The following CEP192 variants were observed in gnomAD, a reference collection of about 807,000 sequenced individuals.
CEP192 encodes centrosomal protein of 192 kDa.
CEP192 carries 151 observed loss-of-function variants against 271.8 expected under a neutral mutation model. That is an observed-to-expected ratio of 0.56 (90% CI 0.49 to 0.64). The LOEUF (loss-of-function observed/expected upper bound fraction) is 0.64. CEP192 is among the 30% of genes least tolerant of loss of function. The pLI, the probability that CEP192 is intolerant of heterozygous loss-of-function variation, is 0.00. For missense variants in CEP192, 2,910 were observed against 3,020.5 expected, an observed-to-expected ratio of 0.96 and a Z score of 0.86; for synonymous variants, 995 against 1,076.5, an observed-to-expected ratio of 0.92 and a Z score of 1.48.
intron 8 of CEP192, 68 bp downstream of exon 8, chr18:13,018,683 A>C (rs1278964682): frequency 9.0e-7 from 1 of 1,105,322 alleles, no homozygotes; most frequent in Non-Finnish European, 1.3e-6. Flanking sequence ...TTAAAAAAAA[A>C]ATATTTCTCT....
chr18:13,108,054 A>C (rs1305104702), intron 40 of CEP192, among the ~76,000 whole-genome samples: 1 of 152,110 alleles, frequency 6.6e-6, no homozygotes, highest in Non-Finnish European at 1.5e-5. Flanking sequence ...TGGGGAAAGG[A>C]CTCCTTATTC....
In CEP192 at chr18:13,059,289, A is replaced by G. The variant is rs2144207636; in HGVS notation, c.4465A>G (p.Ile1489Val). ...ALASTVTLTA[I>V]AESPVIEVET... ...GGCCAGCACCGTCACTCTCACTGCCATTGCCGAGAGTCCTGTTATTGAGGT... is the reference window on the plus strand; with the variant it reads ...GGCCAGCACCGTCACTCTCACTGCCGTTGCCGAGAGTCCTGTTATTGAGGT... Residue 1489 changes from isoleucine (I) to valine (V), a missense_variant, in exon 21 of 45, where the codon ATT becomes GTT. Physicochemically the swap from Ile to Val is conservative, Grantham distance 29. Coordinates refer to ENST00000506447, the MANE Select transcript of CEP192 (RefSeq NM_032142.4). 2 of 1,613,760 alleles carry G rather than the reference A, an allele frequency of 1.2e-6. No homozygotes were observed. The highest frequency in any genetic ancestry group is 4.5e-5 in the East Asian group (2 of 44,888).
At chr18:13,124,033 G>A (rs191572095) in intron 44 of CEP192, among the ~76,000 whole-genome samples, 28 of 152,084 alleles carry the variant, frequency 1.8e-4, no homozygotes, top group Admixed American at 9.2e-4. Context: ...GGTGATGGGC[G>A]CCTGTAATCC....
At chr18:13,046,549 G>A (rs2036492192) in intron 15 of CEP192, among the ~76,000 whole-genome samples, 1 of 151,734 alleles carries the variant, frequency 6.6e-6, no homozygotes, top group South Asian at 2.1e-4. Context: ...TGTTGATTTG[G>A]TAATTATATA....
At chr18:13,096,338 T>C in intron 36 of CEP192, 31 bp downstream of exon 36, 1 of 1,597,448 alleles carries the variant, frequency 6.3e-7, no homozygotes, top group South Asian at 1.1e-5. Context: ...GCTCTGCGTG[T>C]TACTTAGGTG....
intron 25 of CEP192, 32 bp downstream of exon 25, chr18:13,069,023 C>T (rs1179568173): frequency 6.2e-7 from 1 of 1,613,954 alleles, no homozygotes; most frequent in African/African-American, 1.3e-5. Flanking sequence ...GCCGTTACTG[C>T]TTTCATTCAT....
chr18:13,096,377 T>G (rs2039400633), intron 36 of CEP192, 70 bp downstream of exon 36: 5 of 1,568,870 alleles, frequency 3.2e-6, no homozygotes, highest in Non-Finnish European at 4.3e-6. Flanking sequence ...AAAGATCAAA[T>G]AATATGTCAT....
chr18:13,048,455 G>A (rs1207868460), intron 15 of CEP192, among the ~76,000 whole-genome samples: 1 of 152,178 alleles, frequency 6.6e-6, no homozygotes, highest in Non-Finnish European at 1.5e-5. Flanking sequence ...CACCAGAGAG[G>A]AGCTATCAAG....
At chr18:13,113,255 T>C (rs1434695414) in intron 40 of CEP192, among the ~76,000 whole-genome samples, 4 of 152,198 alleles carry the variant, frequency 2.6e-5, no homozygotes, top group Admixed American at 2.6e-4. Context: ...GGGAAGACAA[T>C]TGCGGGTCTG....
Position 13,095,464 on chromosome 18 carries a change from C to A in CEP192, c.6255-39C>A, listed in dbSNP as rs765091238. ...TCATTTTTAACTTCTCAGTCTCTTT[C>A]TTCATGTCTAACTTTTTCATTTTTA... On this transcript the variant is annotated intron_variant, in intron 34 of 44. Coordinates refer to ENST00000506447, the MANE Select transcript of CEP192 (RefSeq NM_032142.4). The A allele has an allele frequency of 2.6e-6, 4 of 1,517,674 alleles. No individual in the cohort carries two copies. In the South Asian group the frequency reaches 3.7e-5, roughly 14 times the overall value. 94.0% of individuals were successfully genotyped at this position (1,517,674 alleles called of 1,614,324 possible).
At chr18:13,123,377 T>C (rs936779507) in intron 44 of CEP192, among the ~76,000 whole-genome samples, 2 of 152,180 alleles carry the variant, frequency 1.3e-5, no homozygotes, top group Admixed American at 1.3e-4. Flanking sequence ...TATATAGATA[T>C]ATTTAAGAAC....
chr18:13,121,292 C>CA (rs549740700), intron 44 of CEP192, among the ~76,000 whole-genome samples: 1 of 152,134 alleles, frequency 6.6e-6, no homozygotes, highest in Non-Finnish European at 1.5e-5. Context: ...ATTTCCAAAG[C>CA]AATAATAGGA....
At chr18:13,112,391 A>G (rs1439041571) in intron 40 of CEP192, among the ~76,000 whole-genome samples, 1 of 152,234 alleles carries the variant, frequency 6.6e-6, no homozygotes, top group Non-Finnish European at 1.5e-5. Context: ...CAGATGTGTG[A>G]TTCTATCTAT....
chr18:12,999,330 A>G lies in CEP192; in HGVS notation c.-4-91A>G, dbSNP rs1037312884. 18 of 1,025,448 alleles carry G rather than the reference A, an allele frequency of 1.8e-5. 1 individual carries two copies. The highest frequency in any genetic ancestry group is 2.4e-5 in the Non-Finnish European group (18 of 743,234). The allele number at this position is 1,025,448 out of a possible 1,614,324, so 63.5% of individuals were successfully genotyped here. A position where few individuals can be genotyped will look rare whatever the true frequency, so the allele number is the denominator to read the frequency against. On this transcript the variant is annotated intron_variant, in intron 1 of 44. Coordinates refer to ENST00000506447, the MANE Select transcript of CEP192 (RefSeq NM_032142.4). ...TGCTAAAAAAAGGATTTTTTTCCTA[A>G]GATTTATTAGTTTTCTAAGACAATG... is the stretch of plus-strand genomic sequence containing the variant.
At chr18:13,045,296 G>A (rs2036415117) in intron 15 of CEP192, among the ~76,000 whole-genome samples, 2 of 152,024 alleles carry the variant, frequency 1.3e-5, no homozygotes, top group South Asian at 4.1e-4. Flanking sequence ...TGAGATGGAT[G>A]CTTAGTGTGC....
At chr18:13,044,675 T>A (rs536415902) in intron 15 of CEP192, among the ~76,000 whole-genome samples, 1 of 152,324 alleles carries the variant, frequency 6.6e-6, no homozygotes, top group East Asian at 1.9e-4. Context: ...TAATGTGTTA[T>A]CTTTTGATAT....
chr18:13,096,064 A>C (rs1363068659), intron 35 of CEP192, 120 bp from the exon 36 acceptor site: 3 of 973,040 alleles, frequency 3.1e-6, no homozygotes, highest in African/African-American at 1.6e-5. Context: ...GTAATTGAGC[A>C]GTTGAGAAAG....
intron 9 of CEP192, among the ~76,000 whole-genome samples, chr18:13,029,416 T>G (rs1393627031): frequency 6.6e-6 from 1 of 152,196 alleles, no homozygotes; most frequent in Non-Finnish European, 1.5e-5. Context: ...AGAGCTCACT[T>G]TTGGTATGTA....
intron 32 of CEP192, chr18:13,088,795 T>A (rs2039010985): frequency 3.4e-6 from 1 of 294,114 alleles, no homozygotes; most frequent in African/African-American, 2.2e-5. Flanking sequence ...AATGGCGACT[T>A]GCTACATGAT....
Sources: allele counts gnomAD v4.1 joint callset (sites outside exome capture counted in the v4.1 genomes callset), GRCh38; gene constraint gnomAD v4.1.1; transcripts MANE v1.5; gene names NCBI Gene and HGNC (gene_info 2026-07-23, HGNC 2026-07-21).